Variants in TTC28 observed in about 807,000 individuals in gnomAD.
TTC28 encodes the protein tetratricopeptide repeat protein 28.
A neutral mutation model predicts 198.0 loss-of-function variants in TTC28; 61 were observed. The ratio of observed to expected loss-of-function variants is 0.31; its 90% CI spans 0.25 to 0.38. The LOEUF is 0.38. Ranked by LOEUF, TTC28 falls within the 10% of genes least tolerant of loss-of-function variation. TTC28 has a pLI of 1.00. For missense variants in TTC28, 2,678 were observed against 3,164.0 expected (o/e 0.85, Z 3.69); for synonymous variants, 1,171 against 1,297.8 (o/e 0.90, Z 2.10).
chr22:28,196,116 C>T (rs1925310505), intron 5 of TTC28, among the ~76,000 whole-genome samples: 1 of 151,874 alleles, frequency 6.6e-6, no homozygotes, highest in South Asian at 2.1e-4. Flanking sequence ...AGAACAGAGC[C>T]CTCAGAAATA....
chr22:28,316,627 A>T (rs1481511610), intron 2 of TTC28, among the ~76,000 whole-genome samples: 2 of 152,032 alleles, frequency 1.3e-5, no homozygotes, highest in Non-Finnish European at 2.9e-5. Flanking sequence ...TTTCATGAGC[A>T]TTTTTTTAGT....
chr22:28,071,748 G>GAAAAAAAAAAAAAAAAAAAAAAAAAGA (rs371615737), intron 12 of TTC28, among the ~76,000 whole-genome samples: 5 of 91,134 alleles, frequency 5.5e-5, no homozygotes, highest in African/African-American at 1.2e-4. Context: ...AAAAAAAAAG[G>GAAAAAAAAAAAAAAAAAAAAAAAAAGA]AAAAAAAAAA....
At chr22:28,325,145 A>C (rs1469320988) in intron 2 of TTC28, among the ~76,000 whole-genome samples, 1 of 151,306 alleles carries the variant, frequency 6.6e-6, no homozygotes, top group Non-Finnish European at 1.5e-5. Context: ...TATTGCCTCA[A>C]TTTCAGAGCC....
intron 14 of TTC28, chr22:28,006,395 G>C (rs1466493692): frequency 3.3e-5 from 5 of 152,224 alleles, no homozygotes; most frequent in African/African-American, 1.2e-4. Context: ...ATTTACAACT[G>C]TCTTCAGTGC....
At chr22:28,258,541 A>T (rs1931111076) in intron 5 of TTC28, among the ~76,000 whole-genome samples, 1 of 152,176 alleles carries the variant, frequency 6.6e-6, no homozygotes, top group Non-Finnish European at 1.5e-5. Flanking sequence ...ACTCACAACA[A>T]AGATGGAAAT....
At chr22:28,242,289 T>C (rs939689357) in intron 5 of TTC28, among the ~76,000 whole-genome samples, 5 of 152,214 alleles carry the variant, frequency 3.3e-5, no homozygotes, top group African/African-American at 1.2e-4. Flanking sequence ...AATAAGTTTA[T>C]ATCACATTTA....
intron 5 of TTC28, among the ~76,000 whole-genome samples, chr22:28,192,067 G>T (rs1490226003): frequency 6.6e-6 from 1 of 152,186 alleles, no homozygotes; most frequent in Non-Finnish European, 1.5e-5. Flanking sequence ...ACCTCACACG[G>T]CCGGGTACTC....
chr22:28,181,513 G>T (rs1162562694), intron 5 of TTC28, among the ~76,000 whole-genome samples: 1 of 152,174 alleles, frequency 6.6e-6, no homozygotes, highest in Non-Finnish European at 1.5e-5. Context: ...AAAACTGCCA[G>T]AATTTATAAT....
chr22:28,202,713 CT>C (rs1926080901), intron 5 of TTC28, among the ~76,000 whole-genome samples: 1 of 152,126 alleles, frequency 6.6e-6, no homozygotes, highest in African/African-American at 2.4e-5. Context: ...CTGTCTAGCT[CT>C]TCCCTTCTTC....
chr22:28,030,730 C>T (rs1352469639), intron 12 of TTC28, among the ~76,000 whole-genome samples: 3 of 152,240 alleles, frequency 2.0e-5, no homozygotes, highest in Non-Finnish European at 2.9e-5. Flanking sequence ...CTCTTCCCAG[C>T]GTACAGCTGA....
chr22:28,069,142 C>A (rs1412516800), intron 12 of TTC28, among the ~76,000 whole-genome samples: 1 of 152,154 alleles, frequency 6.6e-6, no homozygotes, highest in African/African-American at 2.4e-5. Flanking sequence ...TTCTTTTGAT[C>A]TTTTTCTCTT....
At chr22:28,253,008 A>C (rs1930638077) in intron 5 of TTC28, among the ~76,000 whole-genome samples, 1 of 152,226 alleles carries the variant, frequency 6.6e-6, no homozygotes, top group African/African-American at 2.4e-5. Flanking sequence ...TTTTAAAGAT[A>C]CCTATAGAAA....
chr22:28,601,357 A>G (rs925281076), intron 2 of TTC28, among the ~76,000 whole-genome samples: 16 of 152,172 alleles, frequency 1.1e-4, no homozygotes, highest in Admixed American at 9.8e-4. Flanking sequence ...GTAGCCCTCC[A>G]TATCCATGGG....
At chr22:28,672,458 G>A (rs986707400) in intron 1 of TTC28, among the ~76,000 whole-genome samples, 4 of 150,974 alleles carry the variant, frequency 2.6e-5, no homozygotes, top group South Asian at 2.1e-4. Context: ...GAGCCACCGC[G>A]CCCGGCCAAT....
chr22:28,151,900 C>A (rs1308051840), intron 6 of TTC28, among the ~76,000 whole-genome samples: 1 of 152,122 alleles, frequency 6.6e-6, no homozygotes, highest in African/African-American at 2.4e-5. Flanking sequence ...AGTTTGGCTT[C>A]CTACATCAAG....
At chr22:28,388,727 TA>T (rs1161548594) in intron 2 of TTC28, among the ~76,000 whole-genome samples, 1 of 152,224 alleles carries the variant, frequency 6.6e-6, no homozygotes, top group African/African-American at 2.4e-5. Context: ...CTTATCAGCT[TA>T]AGGAGATTTT....
chr22:28,494,664 T>C (rs150332284), intron 2 of TTC28, among the ~76,000 whole-genome samples: 151 of 152,268 alleles, frequency 9.9e-4, no homozygotes, highest in African/African-American at 3.5e-3. Flanking sequence ...AATTCATGAA[T>C]TGTCAAACTC....
At chr22:28,121,958 C>T (rs979509141) in intron 6 of TTC28, among the ~76,000 whole-genome samples, 4 of 152,192 alleles carry the variant, frequency 2.6e-5, no homozygotes, top group Non-Finnish European at 4.4e-5. Flanking sequence ...AACTCCGCCT[C>T]CCAGGTTCAA....
chr22:28,089,180 C>T (rs897147477), intron 12 of TTC28, among the ~76,000 whole-genome samples: 1 of 152,204 alleles, frequency 6.6e-6, no homozygotes, highest in Middle Eastern at 3.4e-3. Context: ...ACCCAAAGGA[C>T]TATAAATCAT....
Sources: gnomAD v4.1 joint callset for allele counts (sites outside exome capture counted in the v4.1 genomes callset) on GRCh38, gnomAD v4.1.1 for gene constraint, MANE v1.5 for transcripts, NCBI Gene and HGNC (gene_info 2026-07-23, HGNC 2026-07-21) for gene names.